Variants in USH2A observed in about 807,000 individuals in gnomAD.
The protein encoded by USH2A is Usher syndrome 2A (autosomal recessive, mild).
Under a neutral mutation model 538.9 loss-of-function variants are expected in USH2A, and 443 were observed. The ratio of observed to expected loss-of-function variants is 0.82; its 90% CI spans 0.76 to 0.89. USH2A has a LOEUF of 0.89. USH2A is among the 40% of genes least tolerant of loss of function. USH2A has a pLI of 0.00. For synonymous variants in USH2A, 2,413 were observed against 2,273.5 expected (o/e 1.06, Z -1.75); for missense variants, 6,633 against 6,324.8 (o/e 1.05, Z -1.65).
chr1:215,775,574 A>G (rs910486891), intron 55 of USH2A, among the ~76,000 whole-genome samples: 2 of 152,234 alleles, frequency 1.3e-5, no homozygotes, highest in Non-Finnish European at 2.9e-5. Context: ...CAGAGACAAG[A>G]GGAAAGGCTA....
intron 21 of USH2A, among the ~76,000 whole-genome samples, chr1:216,135,177 CAT>C (rs201656231): frequency 0.078 from 9,071 of 116,254 alleles, 414 homozygotes; most frequent in African/African-American, 0.19. Context: ...CACACACACA[CAT>C]ACACACACAC....
intron 11 of USH2A, among the ~76,000 whole-genome samples, chr1:216,286,786 G>A (rs1041827340): frequency 1.3e-5 from 2 of 151,898 alleles, no homozygotes; most frequent in Non-Finnish European, 2.9e-5. Flanking sequence ...TCTGTCTTGG[G>A]TATTTCTTCC....
intron 71 of USH2A, among the ~76,000 whole-genome samples, chr1:215,627,446 TTCCTTCC>T (rs1656088253): frequency 4.6e-5 from 6 of 131,104 alleles, no homozygotes; most frequent in South Asian, 2.7e-4. Context: ...CCTTCCTTCC[TTCCTTCC>T]TTCCTTCCTT....
At chr1:216,288,236 T>C (rs1193512350) in intron 11 of USH2A, among the ~76,000 whole-genome samples, 1 of 152,142 alleles carries the variant, frequency 6.6e-6, no homozygotes, top group East Asian at 1.9e-4. Context: ...TGGAAAACTG[T>C]AGTATGACTT....
Position 216,271,464 on chromosome 1 carries a change from T to C in USH2A, c.1971+17816A>G, listed in dbSNP as rs372508031. On this transcript the variant is annotated intron_variant, in intron 11 of 71. Transcript: ENST00000307340. Reference sequence around the variant, plus strand: ...TCCCACTGTCTATACAGTGGCATATTTTCTGCAAATAATAATAGTCTTACT... The same window carrying C: ...TCCCACTGTCTATACAGTGGCATATCTTCTGCAAATAATAATAGTCTTACT... 2.6e-4 allele frequency among the ~76,000 whole-genome samples: 39 copies of C among 152,226 alleles called. No individual in the cohort carries two copies. In the East Asian group the frequency reaches 3.3e-3, roughly 13 times the overall value.
At position 215,782,166 on chromosome 1, in the gene USH2A, T is replaced by C. The variant is rs1467337937; in HGVS notation, c.10616A>G (p.Asn3539Ser). 6.2e-7 allele frequency: 1 copy of C among 1,613,898 alleles called. No homozygotes were observed. Among genetic ancestry groups the C allele is most frequent in the South Asian group, 1.1e-5 (1 of 91,080 alleles). Reference sequence around the variant, plus strand: ...TGTTCCCCGAAAACGTTCAATTCCATTTCGAAGAAGGATGTAGTAAATAAT... The same window carrying C: ...TGTTCCCCGAAAACGTTCAATTCCACTTCGAAGAAGGATGTAGTAAATAAT... ...GPIIYYILLR[N>S]GIERFRGTSL... is the part of the protein sequence containing the mutation. Residue 3539 changes from asparagine to serine, a missense_variant, in exon 54 of 72, where the codon AAT becomes AGT. Asn to Ser is a conservative substitution (Grantham distance 46). Transcript: ENST00000307340.
intron 3 of USH2A, among the ~76,000 whole-genome samples, chr1:216,405,557 C>A (rs905167646): frequency 6.6e-6 from 1 of 152,080 alleles, no homozygotes; most frequent in African/African-American, 2.4e-5. Flanking sequence ...TTAAATGCTA[C>A]AAAGGATGTG....
chr1:215,655,058 T>C (rs1657198745), intron 64 of USH2A, among the ~76,000 whole-genome samples: 1 of 152,216 alleles, frequency 6.6e-6, no homozygotes, highest in Non-Finnish European at 1.5e-5. Flanking sequence ...ATATATTCCT[T>C]AGCCATGGTC....
chr1:216,242,173 A>T (rs1448934964), intron 13 of USH2A, among the ~76,000 whole-genome samples: 1 of 132,070 alleles, frequency 7.6e-6, no homozygotes, highest in Non-Finnish European at 1.6e-5. Context: ...AACACGGTGA[A>T]ACCCCATCTC....
At chr1:215,914,943 C>A (rs927770355) in intron 38 of USH2A, among the ~76,000 whole-genome samples, 4 of 152,116 alleles carry the variant, frequency 2.6e-5, no homozygotes, top group Non-Finnish European at 5.9e-5. Flanking sequence ...TGGTTAATTG[C>A]CCCTTGAACA....
In USH2A at chr1:215,647,606, T is replaced by C. The variant is rs1325041716; in HGVS notation, c.14707A>G (p.Thr4903Ala). 4 of 1,614,128 alleles carry C rather than the reference T, an allele frequency of 2.5e-6. No homozygotes were observed. Among genetic ancestry groups the C allele is most frequent in the Non-Finnish European group, 3.4e-6 (4 of 1,180,008 alleles). The change falls in exon 67 of 72, where the codon ACC (threonine) becomes GCC (alanine). Residue 4903 changes from threonine to alanine, a missense_variant. Physicochemically the swap from Thr to Ala is moderately conservative, Grantham distance 58 (BLOSUM62 0). Coordinates refer to ENST00000307340, the MANE Select transcript of USH2A (RefSeq NM_206933.4). ...GCCACCACTCTCAGCTTGTATGTGG[T>C]GTAGGGCTGGAGACCCCCAAGGCTG... ...KASLGGLQPY[T>A]TYKLRVVAHN...
chr1:216,220,281 T>C (rs1016047460), intron 14 of USH2A, among the ~76,000 whole-genome samples: 3 of 151,562 alleles, frequency 2.0e-5, no homozygotes, highest in Non-Finnish European at 4.4e-5. Flanking sequence ...TAAATATTGA[T>C]TGACATAAAT....
chr1:215,840,163 CAAAAAAAAAAAAAAAAAAA>C (rs60766928), intron 46 of USH2A, among the ~76,000 whole-genome samples: 1 of 29,516 alleles, frequency 3.4e-5, no homozygotes, highest in East Asian at 1.1e-3. Flanking sequence ...GACTCTGTCT[CAAAAAAAAAAAAAAAAAAA>C]AAAAAAAAAA....
chr1:215,856,991 T>C (rs909851056), intron 44 of USH2A, among the ~76,000 whole-genome samples: 2 of 152,072 alleles, frequency 1.3e-5, no homozygotes, highest in Non-Finnish European at 2.9e-5. Flanking sequence ...TCATATGTTC[T>C]CACTCATAAG....
At chr1:215,898,698 C>T (rs1665410750) in intron 40 of USH2A, among the ~76,000 whole-genome samples, 1 of 152,176 alleles carries the variant, frequency 6.6e-6, no homozygotes, top group South Asian at 2.1e-4. Flanking sequence ...AAGCATGCTG[C>T]TATATATAAG....
chr1:216,274,526 G>C (rs1331324604), intron 11 of USH2A, among the ~76,000 whole-genome samples: 2 of 152,012 alleles, frequency 1.3e-5, no homozygotes, highest in Admixed American at 6.6e-5. Flanking sequence ...TCTGCATCTA[G>C]AGAAGAAAAG....
intron 47 of USH2A, among the ~76,000 whole-genome samples, chr1:215,821,204 A>G (rs964444631): frequency 6.6e-6 from 1 of 151,910 alleles, no homozygotes; most frequent in Non-Finnish European, 1.5e-5. Flanking sequence ...CATTCCCACC[A>G]ACAGTGTAAA....
At chr1:215,803,464 T>C (rs1662400811) in intron 49 of USH2A, among the ~76,000 whole-genome samples, 1 of 152,100 alleles carries the variant, frequency 6.6e-6, no homozygotes. Flanking sequence ...TGTGCAAAAA[T>C]CACAAGCATT....
chr1:216,049,707 C>T (rs142174589), intron 30 of USH2A, among the ~76,000 whole-genome samples: 1 of 152,204 alleles, frequency 6.6e-6, no homozygotes, highest in African/African-American at 2.4e-5. Context: ...CATAATTTCC[C>T]TCCCCAGTAG....
Sources: gnomAD v4.1 joint callset for allele counts (sites outside exome capture counted in the v4.1 genomes callset) on GRCh38, gnomAD v4.1.1 for gene constraint, MANE v1.5 for transcripts, NCBI Gene and HGNC (gene_info 2026-07-23, HGNC 2026-07-21) for gene names.